The following TCF20 variants were observed in gnomAD, a reference collection of about 807,000 sequenced individuals.
TCF20 encodes SPRE-binding protein.
In TCF20, 3 loss-of-function variants were observed where a neutral mutation model predicts 148.6. That is an observed-to-expected ratio of 0.02 (90% CI 0.01 to 0.05). The LOEUF (loss-of-function observed/expected upper bound fraction) is 0.05, where lower values mean the gene tolerates loss of function less well. Among genes scored for constraint, TCF20 ranks in the 10% least tolerant of loss-of-function variants. The pLI is 1.00. For synonymous variants in TCF20, 1,049 were observed against 909.5 expected, an observed-to-expected ratio of 1.15 and a Z score of -2.76; for missense variants, 2,350 against 2,429.3, an observed-to-expected ratio of 0.97 and a Z score of 0.69.
In TCF20 at chr22:42,210,524, C is replaced by T. The variant is rs770518113; in HGVS notation, c.4782G>A (p.Arg1594=). Residue 1594 remains arginine, a synonymous_variant, in exon 2 of 6, where the codon AGG becomes AGA. Coordinates refer to ENST00000677622, the MANE Select transcript of TCF20 (RefSeq NM_001378418.1). The surrounding 1 kb of genome is among the most constrained non-coding windows in gnomAD (Gnocchi z 4.7). The part of the protein sequence containing the change: ...RERRKPGAQP[R]KRKTKQAVPI... The stretch of plus-strand genomic sequence containing the variant: ...GAACTGCTTGTTTGGTTTTTCGCTT[C>T]CTCGGCTGGGCCCCAGGCTTCCTTC... 8 of 1,614,082 alleles carry T rather than the reference C, an allele frequency of 5.0e-6. No homozygotes were observed. Among genetic ancestry groups the T allele is most frequent in the East Asian group, 4.5e-5 (2 of 44,904 alleles).
rs548736257 is a variant in TCF20, at chr22:42,242,354, G to C, written c.-36-27013C>G. Among the ~76,000 whole-genome samples, 15 of 151,914 alleles carry C rather than the reference G, an allele frequency of 9.9e-5. No homozygotes were observed. The South Asian group carries it at 2.7e-3, about 27-fold the overall frequency. ...TGGGAATTTTCCAGAACAAATAAGAGATATCACCAAAGAATCAAGAATCTT... is the reference window on the plus strand; with the variant it reads ...TGGGAATTTTCCAGAACAAATAAGACATATCACCAAAGAATCAAGAATCTT... On this transcript the variant is annotated intron_variant, in intron 1 of 5. Coordinates refer to ENST00000677622, the MANE Select transcript of TCF20 (RefSeq NM_001378418.1).
At chr22:42,274,486 C>T (rs1926727594), upstream of TCF20, 1 of 152,394 alleles carries the variant, frequency 6.6e-6, no homozygotes, top group South Asian at 2.1e-4. Flanking sequence ...GGCCTTAAAA[C>T]AGAGGACCAG....
intron 1 of TCF20, among the ~76,000 whole-genome samples, chr22:42,258,642 C>G (rs1346159069): frequency 6.6e-6 from 1 of 152,144 alleles, no homozygotes; most frequent in Non-Finnish European, 1.5e-5. Flanking sequence ...CTGCTTCTCA[C>G]TTTTTCAGTA....
At chr22:42,330,246 T>C (rs1927948944) in intron 1 of TCF20, among the ~76,000 whole-genome samples, 1 of 152,152 alleles carries the variant, frequency 6.6e-6, no homozygotes, top group African/African-American at 2.4e-5. Context: ...CAGTGATCCT[T>C]CCTTCCAGGG....
intron 1 of TCF20, among the ~76,000 whole-genome samples, chr22:42,235,486 G>T (rs189502480): frequency 7.2e-5 from 11 of 152,282 alleles, no homozygotes; most frequent in African/African-American, 2.6e-4. Context: ...TAAATGACTT[G>T]AACAAAGAGA....
intron 5 of TCF20, among the ~76,000 whole-genome samples, chr22:42,168,233 ACCT>A (rs1288250375): frequency 6.6e-6 from 1 of 152,090 alleles, no homozygotes; most frequent in East Asian, 1.9e-4. Context: ...AAAAGAAGAG[ACCT>A]TTGACTGGAA....
intron 1 of TCF20, among the ~76,000 whole-genome samples, chr22:42,247,389 G>A (rs534089680): frequency 6.8e-6 from 1 of 147,006 alleles, no homozygotes; most frequent in Non-Finnish European, 1.5e-5. Flanking sequence ...GCAGTGAGCC[G>A]AGATGGTGCC....
At chr22:42,310,749 A>T (rs548330131) in intron 1 of TCF20, among the ~76,000 whole-genome samples, 1 of 152,006 alleles carries the variant, frequency 6.6e-6, no homozygotes, top group African/African-American at 2.4e-5. Flanking sequence ...CTGAGTCTGG[A>T]AAGTTGCAAA....
At chr22:42,287,138 CA>C (rs1329456476), upstream of TCF20, among the ~76,000 whole-genome samples, 7 of 152,120 alleles carry the variant, frequency 4.6e-5, no homozygotes, top group African/African-American at 1.4e-4. Flanking sequence ...AGCACATTTC[CA>C]AGGCGACAAC....
intron 2 of TCF20, among the ~76,000 whole-genome samples, chr22:42,182,632 T>G (rs955025779): frequency 6.6e-6 from 1 of 152,216 alleles, no homozygotes; most frequent in Non-Finnish European, 1.5e-5. Flanking sequence ...ATTAGGGACT[T>G]AGAGAAAGAT....
upstream of TCF20, among the ~76,000 whole-genome samples, chr22:42,285,082 G>A (rs1311728396): frequency 6.6e-6 from 1 of 152,226 alleles, no homozygotes; most frequent in Non-Finnish European, 1.5e-5. The surrounding 1 kb of genome is among the most constrained non-coding windows in gnomAD (Gnocchi z 4.2). Context: ...ACTCGGCCAT[G>A]CTCGCTTCAG....
intron 5 of TCF20, among the ~76,000 whole-genome samples, chr22:42,162,056 C>T (rs568868801): frequency 7.2e-6 from 1 of 139,662 alleles, no homozygotes; most frequent in Non-Finnish European, 1.5e-5. Context: ...TCTTGGCTCA[C>T]TGCAGCCTCT....
chr22:42,219,813 G>A (rs1042424787), intron 1 of TCF20, among the ~76,000 whole-genome samples: 2 of 152,086 alleles, frequency 1.3e-5, no homozygotes, highest in African/African-American at 2.4e-5. Flanking sequence ...CAGAGATCGC[G>A]CCACTGCCCT....
intron 2 of TCF20, among the ~76,000 whole-genome samples, chr22:42,201,526 G>A (rs926801724): frequency 2.6e-5 from 4 of 152,064 alleles, no homozygotes; most frequent in East Asian, 3.8e-4. Flanking sequence ...CCAACACTTC[G>A]GGAGGCTGAG....
At chr22:42,310,861 G>A (rs1403781110) in intron 1 of TCF20, among the ~76,000 whole-genome samples, 3 of 152,242 alleles carry the variant, frequency 2.0e-5, no homozygotes, top group Non-Finnish European at 2.9e-5. Flanking sequence ...TGGGCCGCCC[G>A]CCTGCCCGCC....
rs1438161334 is a variant in TCF20 at position 42,213,179 on chromosome 22, G to A, written c.2127C>T (p.Tyr709=). The change falls in exon 2 of 6, where the codon TAC becomes TAT. Residue 709 remains tyrosine (Y), a synonymous_variant. Transcript: ENST00000677622. ...GCACGGCTGACCCGAAACTATCTTTGTAACTATAGCGCAGACTTCCAGGAG... is the reference window on the plus strand; with the variant it reads ...GCACGGCTGACCCGAAACTATCTTTATAACTATAGCGCAGACTTCCAGGAG... ...SKSPGSLRYS[Y]KDSFGSAVPR... The A allele has an allele frequency of 1.2e-6, 2 of 1,614,206 alleles. No individual in the cohort carries two copies. Among genetic ancestry groups the A allele is most frequent in the Admixed American group, 3.3e-5 (2 of 60,018 alleles).
At chr22:42,169,373 T>A (rs969097589) in intron 4 of TCF20, among the ~76,000 whole-genome samples, 1 of 151,510 alleles carries the variant, frequency 6.6e-6, no homozygotes, top group African/African-American at 2.4e-5. Flanking sequence ...CCATCCACTG[T>A]GCATCAGGCT....
At chr22:42,166,145 G>T (rs911107764) in intron 5 of TCF20, among the ~76,000 whole-genome samples, 1 of 152,240 alleles carries the variant, frequency 6.6e-6, no homozygotes, top group Non-Finnish European at 1.5e-5. Context: ...TGTGGGAACA[G>T]CACATAAAAA....
At chr22:42,283,719 G>T (rs1926964098) in intron 1 of TCF20, among the ~76,000 whole-genome samples, 1 of 151,608 alleles carries the variant, frequency 6.6e-6, no homozygotes, top group African/African-American at 2.4e-5. Flanking sequence ...CCGCCCCCGG[G>T]GAGCCTCGGG....
Sources: allele counts gnomAD v4.1 joint callset (sites outside exome capture counted in the v4.1 genomes callset), GRCh38; gene constraint gnomAD v4.1.1; non-coding constraint Gnocchi (gnomAD v3.1); transcripts MANE v1.5; gene names NCBI Gene and HGNC (gene_info 2026-07-23, HGNC 2026-07-21).